The following SEZ6L variants were observed in gnomAD, a reference collection of about 807,000 sequenced individuals.
SEZ6L encodes seizure 6-like protein.
A neutral mutation model predicts 106.2 loss-of-function variants in SEZ6L; 37 were observed. The observed-to-expected ratio is 0.35, with a 90% confidence interval of 0.27 to 0.46. SEZ6L has a LOEUF of 0.46. Among genes scored for constraint, SEZ6L ranks in the 20% least tolerant of loss-of-function variants. The pLI, the probability that SEZ6L is intolerant of heterozygous loss-of-function variation, is 1.00. For missense variants in SEZ6L, 1,172 were observed against 1,332.8 expected, an observed-to-expected ratio of 0.88 and a Z score of 1.88; for synonymous variants, 541 against 570.4, an observed-to-expected ratio of 0.95 and a Z score of 0.73.
At chr22:26,278,489 T>C (rs1041772807) in intron 1 of SEZ6L, among the ~76,000 whole-genome samples, 4 of 152,192 alleles carry the variant, frequency 2.6e-5, no homozygotes, top group African/African-American at 9.7e-5. Context: ...TCCATCTTTA[T>C]GTCCATGTGT....
chr22:26,357,045 G>T (rs549088445), intron 12 of SEZ6L, among the ~76,000 whole-genome samples: 1 of 151,340 alleles, frequency 6.6e-6, no homozygotes, highest in Admixed American at 6.6e-5. Context: ...TCCACCTCCC[G>T]GGTTCACGCC....
intron 14 of SEZ6L, among the ~76,000 whole-genome samples, chr22:26,375,026 C>T (rs1030624596): frequency 3.3e-5 from 5 of 152,190 alleles, no homozygotes; most frequent in Admixed American, 1.3e-4. Context: ...AGGACGGGCC[C>T]GTCAGTCTGC....
At chr22:26,183,359 A>G (rs1209471381) in intron 1 of SEZ6L, among the ~76,000 whole-genome samples, 1 of 152,200 alleles carries the variant, frequency 6.6e-6, no homozygotes, top group Non-Finnish European at 1.5e-5. Context: ...GGTAGGACCA[A>G]GTTCTTTTCT....
At chr22:26,308,863 G>T (rs919306306) in intron 6 of SEZ6L, among the ~76,000 whole-genome samples, 1 of 152,116 alleles carries the variant, frequency 6.6e-6, no homozygotes, top group African/African-American at 2.4e-5. Context: ...AACCCTCTTT[G>T]CCAAAGGCTT....
intron 1 of SEZ6L, among the ~76,000 whole-genome samples, chr22:26,257,334 G>C (rs2079855343): frequency 6.6e-6 from 1 of 151,976 alleles, no homozygotes; most frequent in African/African-American, 2.4e-5. Flanking sequence ...GATGGATCTG[G>C]GGAAAAAATC....
intron 1 of SEZ6L, among the ~76,000 whole-genome samples, chr22:26,281,676 C>T (rs1334870339): frequency 6.6e-6 from 1 of 152,178 alleles, no homozygotes; most frequent in South Asian, 2.1e-4. Context: ...CCGCACCTGG[C>T]CTTCTTTTCT....
chr22:26,260,993 G>T (rs2079985387), intron 1 of SEZ6L, among the ~76,000 whole-genome samples: 1 of 152,108 alleles, frequency 6.6e-6, no homozygotes, highest in African/African-American at 2.4e-5. Flanking sequence ...GTGATGTTGA[G>T]CATTTTTTCA....
At chr22:26,334,706 T>G (rs377746802) in intron 9 of SEZ6L, among the ~76,000 whole-genome samples, 105 of 152,094 alleles carry the variant, frequency 6.9e-4, no homozygotes, top group African/African-American at 2.4e-3. Context: ...AAGAAAGAGG[T>G]GGATGTAGAG....
intron 1 of SEZ6L, among the ~76,000 whole-genome samples, chr22:26,256,408 G>C (rs546617439): frequency 2.0e-4 from 30 of 152,292 alleles, no homozygotes; most frequent in African/African-American, 7.0e-4. Context: ...TGGCCAAAAG[G>C]CTCTTTCCAA....
chr22:26,308,471 G>A (rs992026400), intron 6 of SEZ6L, among the ~76,000 whole-genome samples: 7 of 152,006 alleles, frequency 4.6e-5, no homozygotes, highest in Non-Finnish European at 7.4e-5. Flanking sequence ...CTTTTTAGTC[G>A]AGGAGGGACA....
chr22:26,328,577 T>A (rs1387926328), intron 9 of SEZ6L, among the ~76,000 whole-genome samples: 3 of 152,076 alleles, frequency 2.0e-5, no homozygotes, highest in Admixed American at 1.3e-4. Flanking sequence ...GTCATGGTGC[T>A]AGGTGTAAAA....
chr22:26,363,003 CTACAAGGCCAGGCAAG>C (rs1388455227), intron 12 of SEZ6L, among the ~76,000 whole-genome samples: 1 of 152,166 alleles, frequency 6.6e-6, no homozygotes, highest in African/African-American at 2.4e-5. Context: ...ATTTAAATGC[CTACAAGGCCAGGCAAG>C]TACCACGTGA....
intron 1 of SEZ6L, among the ~76,000 whole-genome samples, chr22:26,220,864 G>C (rs894643007): frequency 6.6e-6 from 1 of 151,704 alleles, no homozygotes; most frequent in East Asian, 1.9e-4. Context: ...GGGGGAATGT[G>C]CTTACATCAC....
At chr22:26,342,461 G>A (rs143557022) in intron 10 of SEZ6L, among the ~76,000 whole-genome samples, 2,276 of 151,960 alleles carry the variant, frequency 0.015, 35 homozygotes, top group Non-Finnish European at 0.024. Context: ...AGGCTGAGGC[G>A]GGCAGATTAC....
In SEZ6L at chr22:26,169,625, T is replaced by TCCGC; in HGVS notation, c.-38_-35dup. 2 of 734,344 alleles carry TCCGC rather than the reference T, an allele frequency of 2.7e-6. No homozygotes were observed. Among genetic ancestry groups the TCCGC allele is most frequent in the Non-Finnish European group, 3.9e-6 (2 of 509,000 alleles). 45.5% of individuals were successfully genotyped at this position (734,344 alleles called of 1,614,324 possible). A position where few individuals can be genotyped will look rare whatever the true frequency, so the allele number is the denominator to read the frequency against. On this transcript the variant is annotated 5_prime_UTR_variant, in exon 1 of 17. Transcript: ENST00000248933. ...CCCTCCTTCCCCAGCTCCCTCGCCG[T>TCCGC]CCGCCCGCCCCACAGCCAGCGGCTC...
intron 1 of SEZ6L, among the ~76,000 whole-genome samples, chr22:26,281,050 T>G (rs2080744845): frequency 6.6e-6 from 1 of 152,238 alleles, no homozygotes; most frequent in Admixed American, 6.5e-5. Context: ...AAGACTCATG[T>G]TGGAATTTAA....
Position 26,171,958 on chromosome 22 carries a change from T to A in SEZ6L, c.94+2195T>A, listed in dbSNP as rs1043142701. 5.9e-5 allele frequency among the ~76,000 whole-genome samples: 9 copies of A among 152,094 alleles called. No individual in the cohort carries two copies. In the East Asian group the frequency reaches 1.7e-3, roughly 30 times the overall value. ...TGCGAACTAGTTCTTCTGCTTGCGG[T>A]GAAGTGAGGGGATTTGTAAATACTC... On this transcript the variant is annotated intron_variant, in intron 1 of 16. Coordinates refer to ENST00000248933, the MANE Select transcript of SEZ6L (RefSeq NM_021115.5).
chr22:26,204,357 G>T (rs1301700295), intron 1 of SEZ6L, among the ~76,000 whole-genome samples: 1 of 152,108 alleles, frequency 6.6e-6, no homozygotes, highest in Non-Finnish European at 1.5e-5. Context: ...TAAAATAATA[G>T]CCATACCACA....
At chr22:26,373,704 T>C (rs2084120704) in intron 14 of SEZ6L, among the ~76,000 whole-genome samples, 1 of 152,202 alleles carries the variant, frequency 6.6e-6, no homozygotes, top group African/African-American at 2.4e-5. Flanking sequence ...TGACAGCTGT[T>C]CTGTACATGG....
Sources: allele counts gnomAD v4.1 joint callset (sites outside exome capture counted in the v4.1 genomes callset), GRCh38; gene constraint gnomAD v4.1.1; transcripts MANE v1.5; gene names NCBI Gene and HGNC (gene_info 2026-07-23, HGNC 2026-07-21).